Variants in KANSL3 observed in about 807,000 individuals in gnomAD.
KANSL3 encodes the protein KAT8 regulatory NSL complex subunit 3, also known as NSL complex protein NSL3.
KANSL3 carries 16 observed loss-of-function variants against 89.2 expected under a neutral mutation model. That is an observed-to-expected ratio of 0.18 (90% CI 0.12 to 0.27). The LOEUF (loss-of-function observed/expected upper bound fraction) is 0.27. Among genes scored for constraint, KANSL3 ranks in the 10% least tolerant of loss-of-function variants. The probability of loss-of-function intolerance (pLI) is 1.00; values close to 1 mark genes in which losing one functional copy is unlikely to be tolerated. For missense variants in KANSL3, 879 were observed against 1,110.6 expected (o/e 0.79, Z 2.96); for synonymous variants, 385 against 419.7 (o/e 0.92, Z 1.01).
intron 18 of KANSL3, 62 bp from the exon 19 acceptor site, chr2:96,602,400 G>C: frequency 8.0e-7 from 1 of 1,242,894 alleles, no homozygotes; most frequent in Non-Finnish European, 1.2e-6. Context: ...TTCGAGCTTG[G>C]AGGGCCCACA....
intron 3 of KANSL3, among the ~76,000 whole-genome samples, chr2:96,629,695 C>T (rs2073048081): frequency 6.6e-6 from 1 of 152,174 alleles, no homozygotes; most frequent in Non-Finnish European, 1.5e-5. Context: ...TGCAGAACTG[C>T]TCCTCCCTCA....
chr2:96,631,345 G>A lies in KANSL3; in HGVS notation c.353C>T (p.Pro118Leu), dbSNP rs1180817350. The change falls in exon 3 of 21, where the codon CCT becomes CTT. Residue 118 changes from proline to leucine, a missense_variant. Pro to Leu is a moderately conservative substitution (Grantham distance 98, BLOSUM62 -3). Transcript: ENST00000431828. ...ATGCTCCTCCCAGTCCTCTGGTGGA[G>A]GAGGGGCATCTGCATCAGTCCTGGC... ...IFARTDADAPPPPEDWEEHVN... is the reference protein window; with the variant it reads ...IFARTDADAPLPPEDWEEHVN... 3 of 1,613,382 alleles carry A rather than the reference G, an allele frequency of 1.9e-6. No homozygotes were observed. The highest frequency in any genetic ancestry group is 2.2e-5 in the South Asian group (2 of 90,916).
rs1030105588 is a variant in KANSL3, at chr2:96,613,637, C to T, written c.664-18G>A. 1 of 1,608,664 alleles carries T rather than the reference C, an allele frequency of 6.2e-7. No homozygotes were observed. The highest frequency in any genetic ancestry group is 1.3e-5 in the African/African-American group (1 of 74,660). On this transcript the variant is annotated intron_variant, in intron 5 of 20. Transcript: ENST00000431828. ...GTTGGGATCTACAAAGAAGAAAGAGCAAAGATGACTCCAGTGTAAAGCAGG... is the reference window on the plus strand; with the variant it reads ...GTTGGGATCTACAAAGAAGAAAGAGTAAAGATGACTCCAGTGTAAAGCAGG...
intron 3 of KANSL3, among the ~76,000 whole-genome samples, chr2:96,622,833 C>A (rs2071557216): frequency 6.6e-6 from 1 of 152,238 alleles, no homozygotes. Flanking sequence ...CAGACCAGGG[C>A]CCTGCCCTTC....
intron 3 of KANSL3, among the ~76,000 whole-genome samples, chr2:96,626,912 T>C (rs1027541198): frequency 6.6e-6 from 1 of 152,246 alleles, no homozygotes; most frequent in African/African-American, 2.4e-5. Context: ...TTTGTGGCTT[T>C]ACTGCAAAAG....
At chr2:96,624,322 T>C (rs1416916388) in intron 3 of KANSL3, among the ~76,000 whole-genome samples, 2 of 152,166 alleles carry the variant, frequency 1.3e-5, no homozygotes, top group Non-Finnish European at 2.9e-5. Context: ...CAGAGGATGC[T>C]TACAAGTCAT....
chr2:96,585,537 CTATGGAGAACAG>C, the KANSL3 span, among the ~76,000 whole-genome samples: 1 of 152,140 alleles, frequency 6.6e-6, no homozygotes, highest in Non-Finnish European at 1.5e-5. Flanking sequence ...AGTACAATCA[CTATGGAGAACAG>C]TATGGAAATC....
intron 13 of KANSL3, 60 bp downstream of exon 13, chr2:96,608,804 A>T: frequency 6.6e-7 from 1 of 1,514,998 alleles, no homozygotes; most frequent in Non-Finnish European, 8.9e-7. Context: ...CAGGAAATTA[A>T]GGAACCAACT....
At chr2:96,616,640 T>C (rs1439951411) in intron 5 of KANSL3, among the ~76,000 whole-genome samples, 1 of 152,186 alleles carries the variant, frequency 6.6e-6, no homozygotes, top group Non-Finnish European at 1.5e-5. Flanking sequence ...AATCTAAATA[T>C]AGTCATGGGA....
intron 20 of KANSL3, chr2:96,600,879 A>G (rs917760068): frequency 5.1e-6 from 5 of 985,350 alleles, no homozygotes; most frequent in Non-Finnish European, 6.0e-6. Context: ...TAGAAAGCCA[A>G]TGTCAAAGAA....
chr2:96,636,324 C>T (rs982682837), intron 2 of KANSL3, among the ~76,000 whole-genome samples: 1 of 152,192 alleles, frequency 6.6e-6, no homozygotes, highest in Admixed American at 6.5e-5. Context: ...AACTGTATCA[C>T]TCATCAGGTA....
In KANSL3 at chr2:96,613,498, T is replaced by C. The variant is rs1257114249; in HGVS notation, c.785A>G (p.His262Arg). ...AGCCATCCAACTTACTGGTTTGTTA[T>C]GAGAAAGCACACCCACAGCAGGGTC... ...PWDPAVGVLSHNKPSKLPGSP... is the reference protein window; with the variant it reads ...PWDPAVGVLSRNKPSKLPGSP... Residue 262 changes from histidine to arginine, a missense_variant, in exon 6 of 21, where the codon CAT becomes CGT. Transcript: ENST00000431828. 1.9e-6 allele frequency: 3 copies of C among 1,613,326 alleles called. No homozygotes were observed. The highest frequency in any genetic ancestry group is 4.5e-5 in the East Asian group (2 of 44,880).
Position 96,631,348 on chromosome 2 carries a change from G to C in KANSL3, c.350C>G (p.Pro117Arg). 6.2e-7 allele frequency: 1 copy of C among 1,613,430 alleles called. No homozygotes were observed. The highest frequency in any genetic ancestry group is 8.5e-7 in the Non-Finnish European group (1 of 1,179,700). Residue 117 changes from proline (P) to arginine (R), a missense_variant, in exon 3 of 21, where the codon CCT (proline) becomes CGT (arginine). Pro to Arg is a moderately radical substitution (Grantham distance 103). Coordinates refer to ENST00000431828, the MANE Select transcript of KANSL3 (RefSeq NM_001115016.3). Reference sequence around the variant, plus strand: ...CTCCTCCCAGTCCTCTGGTGGAGGAGGGGCATCTGCATCAGTCCTGGCAAA... The same window carrying C: ...CTCCTCCCAGTCCTCTGGTGGAGGACGGGCATCTGCATCAGTCCTGGCAAA... ...VIFARTDADA[P>R]PPPEDWEEHV...
chr2:96,619,845 A>G (rs1439006265), intron 3 of KANSL3, 83 bp from the exon 4 acceptor site: 1 of 1,105,886 alleles, frequency 9.0e-7, no homozygotes, highest in Non-Finnish European at 1.3e-6. Context: ...AGATTATGCC[A>G]TAGTTTTATG....
chr2:96,582,752 C>T, the KANSL3 span, among the ~76,000 whole-genome samples: 1 of 152,100 alleles, frequency 6.6e-6, no homozygotes, highest in Non-Finnish European at 1.5e-5. Context: ...TCATATGTTC[C>T]AAAAATGTTG....
chr2:96,608,466 A>AG, intron 14 of KANSL3, 42 bp downstream of exon 14: 1 of 1,608,600 alleles, frequency 6.2e-7, no homozygotes, highest in Non-Finnish European at 8.5e-7. Context: ...CATGAACTAC[A>AG]GAAGACAGAC....
downstream of KANSL3, among the ~76,000 whole-genome samples, chr2:96,592,816 AC>A (rs2066307083): frequency 6.6e-6 from 1 of 152,086 alleles, no homozygotes; most frequent in Non-Finnish European, 1.5e-5. Flanking sequence ...AGCTTGGCCA[AC>A]ATAGTGGAAC....
chr2:96,585,997 C>T, the KANSL3 span, among the ~76,000 whole-genome samples: 2 of 152,058 alleles, frequency 1.3e-5, no homozygotes, highest in Non-Finnish European at 2.9e-5. Flanking sequence ...GAGGCTGAGG[C>T]GGGCGGATCA....
At chr2:96,598,297 C>T (rs2066740734) in intron 20 of KANSL3, 1 of 188,964 alleles carries the variant, frequency 5.3e-6, no homozygotes, top group Admixed American at 6.5e-5. Flanking sequence ...GATTGAATTA[C>T]CCCTTTTACA....
Sources: gnomAD v4.1 joint callset for allele counts (sites outside exome capture counted in the v4.1 genomes callset) on GRCh38, gnomAD v4.1.1 for gene constraint, MANE v1.5 for transcripts, NCBI Gene and HGNC (gene_info 2026-07-23, HGNC 2026-07-21) for gene names.